Variants in ATP8A2 observed in about 807,000 individuals in gnomAD.
The protein encoded by ATP8A2 is phospholipid-transporting ATPase IB.
A neutral mutation model predicts 165.6 loss-of-function variants in ATP8A2; 100 were observed. The ratio of observed to expected loss-of-function variants is 0.60; its 90% CI spans 0.51 to 0.71. The LOEUF (loss-of-function observed/expected upper bound fraction) is 0.71. Ranked by LOEUF, ATP8A2 falls within the 30% of genes least tolerant of loss-of-function variation. The pLI is 0.00. For synonymous variants in ATP8A2, 543 were observed against 548.8 expected, an observed-to-expected ratio of 0.99 and a Z score of 0.15; for missense variants, 1,227 against 1,479.5, an observed-to-expected ratio of 0.83 and a Z score of 2.80.
At chr13:25,643,293 C>T (rs1183672036) in intron 24 of ATP8A2, among the ~76,000 whole-genome samples, 1 of 152,130 alleles carries the variant, frequency 6.6e-6, no homozygotes, top group African/African-American at 2.4e-5. Context: ...TATAGTTCCT[C>T]TTCACTGCTG....
chr13:25,570,745 T>G (rs1463895150), intron 16 of ATP8A2, 22 bp from the exon 17 acceptor site: 2 of 1,599,088 alleles, frequency 1.3e-6, no homozygotes, highest in East Asian at 4.5e-5. Flanking sequence ...TATCTGACAC[T>G]AATCCCGCCT....
chr13:25,588,066 A>T (rs1292334550), intron 23 of ATP8A2, among the ~76,000 whole-genome samples: 1 of 152,260 alleles, frequency 6.6e-6, no homozygotes, highest in Admixed American at 6.5e-5. Context: ...TGTTTGTTTT[A>T]ACAAGAGAAA....
chr13:25,857,755 G>C (rs1425769588), intron 30 of ATP8A2, among the ~76,000 whole-genome samples: 1 of 151,696 alleles, frequency 6.6e-6, no homozygotes, highest in Non-Finnish European at 1.5e-5. Flanking sequence ...TTTTTTAGTA[G>C]AGACAGGGTT....
chr13:25,403,575 A>C (rs765030110), intron 1 of ATP8A2, among the ~76,000 whole-genome samples: 2 of 152,232 alleles, frequency 1.3e-5, no homozygotes, highest in Admixed American at 6.5e-5. Flanking sequence ...ATACATTTTC[A>C]ATTCCTCTGC....
At chr13:26,015,052 G>A (rs1052821374) in intron 36 of ATP8A2, among the ~76,000 whole-genome samples, 3 of 152,068 alleles carry the variant, frequency 2.0e-5, no homozygotes, top group Non-Finnish European at 2.9e-5. Context: ...ATCAAAGACC[G>A]AATGAGAATT....
chr13:25,389,652 G>C (rs1028454008), intron 1 of ATP8A2, among the ~76,000 whole-genome samples: 2 of 152,202 alleles, frequency 1.3e-5, no homozygotes, highest in Admixed American at 1.3e-4. Context: ...TCACTTAGCT[G>C]CTTTTTACTC....
At chr13:25,907,239 G>A (rs1320876862) in intron 33 of ATP8A2, among the ~76,000 whole-genome samples, 2 of 151,938 alleles carry the variant, frequency 1.3e-5, no homozygotes, top group African/African-American at 2.4e-5. Flanking sequence ...GACAGAGCGA[G>A]ACTCCATGTG....
intron 24 of ATP8A2, among the ~76,000 whole-genome samples, chr13:25,640,093 C>A (rs1236105104): frequency 6.6e-6 from 1 of 152,196 alleles, no homozygotes; most frequent in Non-Finnish European, 1.5e-5. Flanking sequence ...CTCTGAGACA[C>A]ATTTAAAGCA....
intron 10 of ATP8A2, among the ~76,000 whole-genome samples, chr13:25,549,906 TG>T (rs34614748): frequency 0.064 from 9,668 of 152,196 alleles, 399 homozygotes; most frequent in South Asian, 0.13. Context: ...TGATGACCCT[TG>T]TGGTTAGATT....
intron 28 of ATP8A2, 99 bp downstream of exon 28, chr13:25,828,291 T>A: frequency 9.8e-7 from 1 of 1,016,240 alleles, no homozygotes; most frequent in Non-Finnish European, 1.6e-6. Context: ...GAGTCAATCA[T>A]CTGTATACTT....
intron 25 of ATP8A2, among the ~76,000 whole-genome samples, chr13:25,743,249 A>C (rs1479628754): frequency 6.6e-6 from 1 of 152,070 alleles, no homozygotes; most frequent in Non-Finnish European, 1.5e-5. Context: ...GGAATGCTGA[A>C]GATGGCAGCA....
At chr13:25,967,491 A>G (rs533534338) in intron 34 of ATP8A2, among the ~76,000 whole-genome samples, 10 of 152,298 alleles carry the variant, frequency 6.6e-5, no homozygotes, top group African/African-American at 2.4e-4. Flanking sequence ...AAGAGCCCAC[A>G]TCTTCAGAAT....
rs57382485 is a variant in ATP8A2, at chr13:25,539,060, A to AGTGTGTGTGT, written c.581+1030_581+1039dup. Among the ~76,000 whole-genome samples the AGTGTGTGTGT allele has an allele frequency of 8.5e-3, 1,169 of 137,458 alleles. 17 individuals are homozygous for AGTGTGTGTGT. The highest frequency in any genetic ancestry group is 0.029 in the African/African-American group (1,089 of 37,476). 90.2% of individuals were successfully genotyped at this position (137,458 alleles called of 152,430 possible). ...TCTTGGCTGTGACCTTAGAAAATTT[A>AGTGTGTGTGT]GTGTGTGTGTGTGTGTGTGTGTGTG... On this transcript the variant is annotated intron_variant, in intron 7 of 36. Transcript: ENST00000381655.
chr13:26,022,242 G>T lies in ATP8A2; in HGVS notation c.*2257G>T, dbSNP rs920555610. 8.5e-5 allele frequency: 13 copies of T among 152,334 alleles called. No individual in the cohort carries two copies. The highest frequency in any genetic ancestry group is 1.9e-4 in the East Asian group (1 of 5,174). 9.4% of individuals were successfully genotyped at this position (152,334 alleles called of 1,614,324 possible). A position where few individuals can be genotyped will look rare whatever the true frequency, so the allele number is the denominator to read the frequency against. On this transcript the variant is annotated 3_prime_UTR_variant, in exon 37 of 37. Transcript: ENST00000381655. ...AGAAACGAAAACTGGAATTGAATGT[G>T]CATTAGGCATCTTAACTATTCATAT...
chr13:25,601,794 A>AT (rs1317638420), intron 24 of ATP8A2, among the ~76,000 whole-genome samples: 1 of 152,138 alleles, frequency 6.6e-6, no homozygotes, highest in Non-Finnish European at 1.5e-5. Flanking sequence ...TGTTAACGTG[A>AT]TTTTTTATTA....
intron 24 of ATP8A2, among the ~76,000 whole-genome samples, chr13:25,631,337 C>T (rs2041235919): frequency 6.6e-6 from 1 of 152,150 alleles, no homozygotes. Flanking sequence ...TAATTAGGCA[C>T]ATGCAGCCAG....
chr13:25,825,785 T>C (rs536029280), intron 27 of ATP8A2, among the ~76,000 whole-genome samples: 188 of 152,096 alleles, frequency 1.2e-3, no homozygotes, highest in South Asian at 5.2e-3. Context: ...ATAAATGTTG[T>C]AGGAATTTTC....
intron 19 of ATP8A2, among the ~76,000 whole-genome samples, chr13:25,575,533 A>G (rs2039592755): frequency 6.6e-6 from 1 of 152,230 alleles, no homozygotes; most frequent in Admixed American, 6.5e-5. Flanking sequence ...TTTTCCTATT[A>G]TTAAAATTAG....
intron 24 of ATP8A2, among the ~76,000 whole-genome samples, chr13:25,615,003 A>G (rs753449166): frequency 5.3e-5 from 8 of 152,214 alleles, no homozygotes; most frequent in Admixed American, 1.3e-4. Context: ...TCAAGAGACC[A>G]TCGGCTTTGG....
Sources: allele counts gnomAD v4.1 joint callset (sites outside exome capture counted in the v4.1 genomes callset), GRCh38; gene constraint gnomAD v4.1.1; transcripts MANE v1.5; gene names NCBI Gene and HGNC (gene_info 2026-07-23, HGNC 2026-07-21).